Variants in LPA observed in about 807,000 individuals in gnomAD.
LPA encodes apolipoprotein(a).
In LPA, 199 loss-of-function variants were observed where a neutral mutation model predicts 197.9. The ratio of observed to expected loss-of-function variants is 1.01; its 90% CI spans 0.90 to 1.13. The LOEUF is 1.13. Ranked by LOEUF, LPA falls within the 50% of genes most tolerant of loss-of-function variation. The pLI is 0.00. For missense variants in LPA, 1,853 were observed against 1,785.8 expected, an observed-to-expected ratio of 1.04 and a Z score of -0.68; for synonymous variants, 715 against 639.5, an observed-to-expected ratio of 1.12 and a Z score of -1.78.
chr6:160,537,820 A>T lies in LPA; in HGVS notation c.5842+35T>A, dbSNP rs761609176. 30 of 1,589,512 alleles carry T rather than the reference A, an allele frequency of 1.9e-5. No individual in the cohort carries two copies. In the Admixed American group the frequency reaches 2.5e-4, roughly 13 times the overall value. Reference sequence around the variant, plus strand: ...TTGTAACATGCACTGAAGGTCAAAAACAATTTGTTACGTGGGCAATGGAAT... The same window carrying T: ...TTGTAACATGCACTGAAGGTCAAAATCAATTTGTTACGTGGGCAATGGAAT... On this transcript the variant is annotated intron_variant, in intron 37 of 38. Coordinates refer to ENST00000316300, the MANE Select transcript of LPA (RefSeq NM_005577.4).
chr6:160,602,721 A>T (rs938171557), intron 18 of LPA, among the ~76,000 whole-genome samples: 4 of 152,198 alleles, frequency 2.6e-5, no homozygotes, highest in Non-Finnish European at 5.9e-5. Flanking sequence ...GCAGTGCACA[A>T]TATGCATTTA....
chr6:160,561,784 A>T (rs187178788), intron 28 of LPA, among the ~76,000 whole-genome samples: 1 of 152,150 alleles, frequency 6.6e-6, no homozygotes, highest in South Asian at 2.1e-4. Flanking sequence ...GAGGTCCTTC[A>T]CATCCCTTGT....
chr6:160,646,893 A>T (rs1034896133), intron 2 of LPA, among the ~76,000 whole-genome samples: 1 of 151,618 alleles, frequency 6.6e-6, no homozygotes, highest in Non-Finnish European at 1.5e-5. Flanking sequence ...CAAGGAGGAT[A>T]ACCTTTCCAG....
At chr6:160,662,172 A>T (rs1454398646) in intron 1 of LPA, among the ~76,000 whole-genome samples, 2 of 152,158 alleles carry the variant, frequency 1.3e-5, no homozygotes, top group Non-Finnish European at 2.9e-5. Context: ...ATGGGGATTT[A>T]ATAGGGTTTA....
chr6:160,610,691 C>T (rs1189190263), intron 16 of LPA, among the ~76,000 whole-genome samples: 2 of 152,140 alleles, frequency 1.3e-5, no homozygotes, highest in Non-Finnish European at 2.9e-5. Context: ...TAGAAAATAC[C>T]AGAGTCATCC....
intron 37 of LPA, among the ~76,000 whole-genome samples, chr6:160,533,032 A>G (rs1441452292): frequency 6.6e-6 from 1 of 152,186 alleles, no homozygotes; most frequent in African/African-American, 2.4e-5. Flanking sequence ...TTACATCATA[A>G]TGCACAATTT....
chr6:160,531,538 T>G lies in LPA; in HGVS notation c.*191A>C. 1.5e-6 allele frequency: 1 copy of G among 671,434 alleles called. No homozygotes were observed. The highest frequency in any genetic ancestry group is 2.6e-6 in the Non-Finnish European group (1 of 379,528). 41.6% of individuals were successfully genotyped at this position (671,434 alleles called of 1,614,324 possible). ...TAACAAATGTCATAGCTATGACACCTTAATACAGAATTTGTCAGTCAGACC... is the reference window on the plus strand; with the variant it reads ...TAACAAATGTCATAGCTATGACACCGTAATACAGAATTTGTCAGTCAGACC... On this transcript the variant is annotated 3_prime_UTR_variant, in exon 39 of 39. Coordinates refer to ENST00000316300, the MANE Select transcript of LPA (RefSeq NM_005577.4).
chr6:160,597,342 C>T (rs1218795296), intron 20 of LPA, among the ~76,000 whole-genome samples: 1 of 152,204 alleles, frequency 6.6e-6, no homozygotes, highest in Non-Finnish European at 1.5e-5. Flanking sequence ...TTCAATCATA[C>T]ATCACAAAAG....
At chr6:160,594,303 A>C (rs1425331191) in intron 21 of LPA, among the ~76,000 whole-genome samples, 186 bp from the exon 22 acceptor site, 1 of 152,230 alleles carries the variant, frequency 6.6e-6, no homozygotes, top group African/African-American at 2.4e-5. Context: ...AACTTTAACG[A>C]GTTCTTAGAA....
chr6:160,595,514 G>A lies in LPA; in HGVS notation c.3309C>T (p.Cys1103=), dbSNP rs772656794. 5.6e-6 allele frequency: 9 copies of A among 1,613,872 alleles called. No homozygotes were observed. The highest frequency in any genetic ancestry group is 5.1e-6 in the Non-Finnish European group (6 of 1,179,952). Residue 1103 remains cysteine, a synonymous_variant, in exon 21 of 39, where the codon TGC becomes TGT. Coordinates refer to ENST00000316300, the MANE Select transcript of LPA (RefSeq NM_005577.4). The part of the protein sequence containing the change: ...YPNAGLTRNY[C]RNPDAEIRPW... The stretch of plus-strand genomic sequence containing the variant: ...GGCGAATCTCAGCATCTGGATTCCT[G>A]CAGTAGTTCCTGGTCAGGCCACTGC...
intron 28 of LPA, among the ~76,000 whole-genome samples, chr6:160,569,262 T>A (rs1366442900): frequency 6.6e-6 from 1 of 152,176 alleles, no homozygotes; most frequent in Non-Finnish European, 1.5e-5. Context: ...CAAAACAGCA[T>A]GGTACTGGTA....
intron 20 of LPA, 102 bp from the exon 21 acceptor site, chr6:160,595,637 T>C (rs530490361): frequency 1.0e-5 from 14 of 1,406,060 alleles, no homozygotes; most frequent in African/African-American, 4.5e-5. Context: ...AAAGAGACTT[T>C]GAAATATTTT....
At position 160,605,078 on chromosome 6, in the gene LPA, C is replaced by T. The variant is rs752757407; in HGVS notation, c.2913G>A (p.Ser971=). 3.5e-5 allele frequency: 56 copies of T among 1,613,672 alleles called. No homozygotes were observed. Among genetic ancestry groups the T allele is most frequent in the African/African-American group, 2.1e-4 (16 of 74,888 alleles). Residue 971 remains serine (S), a synonymous_variant, in exon 18 of 39, where the codon TCG becomes TCA. Coordinates refer to ENST00000316300, the MANE Select transcript of LPA (RefSeq NM_005577.4). ...GGTAGTATGCTGGGGTCCGACTATG[C>T]GAGTGTGGTGTCATAGATGACCAAG... ...CQAWSSMTPH[S]HSRTPAYYPN...
chr6:160,576,961 G>T (rs887037047), intron 28 of LPA, among the ~76,000 whole-genome samples, 175 bp downstream of exon 28: 1 of 151,898 alleles, frequency 6.6e-6, no homozygotes, highest in Non-Finnish European at 1.5e-5. Flanking sequence ...AAAATAGCAG[G>T]CCTAAAATTT....
At chr6:160,597,235 G>A (rs1424777577) in intron 20 of LPA, among the ~76,000 whole-genome samples, 2 of 152,194 alleles carry the variant, frequency 1.3e-5, no homozygotes, top group African/African-American at 4.8e-5. Context: ...CTAGCCTGTT[G>A]TGTTTGGGAA....
At chr6:160,560,331 T>C (rs1778340019) in intron 28 of LPA, among the ~76,000 whole-genome samples, 2 of 152,208 alleles carry the variant, frequency 1.3e-5, no homozygotes, top group East Asian at 1.9e-4. Flanking sequence ...GGTCAAATGG[T>C]ACTTCTGGTT....
At chr6:160,634,759 C>A (rs1358969624) in intron 7 of LPA, among the ~76,000 whole-genome samples, 2 of 151,610 alleles carry the variant, frequency 1.3e-5, no homozygotes, top group Non-Finnish European at 2.9e-5. Context: ...GCACTGACTG[C>A]TGGCTACTTG....
At chr6:160,600,672 G>A (rs1016054721) in intron 19 of LPA, among the ~76,000 whole-genome samples, 7 of 152,130 alleles carry the variant, frequency 4.6e-5, no homozygotes, top group African/African-American at 1.4e-4. Flanking sequence ...TTACAATGAG[G>A]GGAGTGGTGA....
intron 2 of LPA, among the ~76,000 whole-genome samples, chr6:160,647,234 A>C (rs1054592693): frequency 6.6e-6 from 1 of 152,186 alleles, no homozygotes; most frequent in Non-Finnish European, 1.5e-5. Context: ...AGAGATCTGA[A>C]GAGGTCGGAC....
Sources: allele counts gnomAD v4.1 joint callset (sites outside exome capture counted in the v4.1 genomes callset), GRCh38; gene constraint gnomAD v4.1.1; transcripts MANE v1.5; gene names NCBI Gene and HGNC (gene_info 2026-07-23, HGNC 2026-07-21).